FFAR4: variants seen among roughly 807,000 people sequenced by gnomAD.
FFAR4 encodes G-protein coupled receptor 120.
FFAR4 carries 19 observed loss-of-function variants against 27.0 expected under a neutral mutation model. That is an observed-to-expected ratio of 0.70 (90% CI 0.49 to 1.03). FFAR4 has a LOEUF of 1.03. Among genes scored for constraint, FFAR4 ranks in the 50% least tolerant of loss-of-function variants. The pLI, the probability that FFAR4 is intolerant of heterozygous loss-of-function variation, is 0.00. For synonymous variants in FFAR4, 254 were observed against 215.6 expected, an observed-to-expected ratio of 1.18 and a Z score of -1.56; for missense variants, 476 against 479.0, an observed-to-expected ratio of 0.99 and a Z score of 0.06.
chr10:93,566,704 G>A lies in FFAR4; in HGVS notation c.-17G>A. On this transcript the variant is annotated 5_prime_UTR_variant, in exon 1 of 3. Coordinates refer to ENST00000371481, the MANE Select transcript of FFAR4 (RefSeq NM_001195755.2). Reference sequence around the variant, plus strand: ...TGAGCACTCTCTCAGACCGCTGCGGGCCGCCAGGCGCCGGGAATGTCCCCT... The same window carrying A: ...TGAGCACTCTCTCAGACCGCTGCGGACCGCCAGGCGCCGGGAATGTCCCCT... 1.3e-6 allele frequency: 2 copies of A among 1,531,654 alleles called. No individual in the cohort carries two copies. The highest frequency in any genetic ancestry group is 1.8e-6 in the Non-Finnish European group (2 of 1,139,024). 94.9% of individuals were successfully genotyped at this position (1,531,654 alleles called of 1,614,324 possible).
rs2058241760 is a variant in FFAR4 at position 93,588,262 on chromosome 10, T to C, written c.*653T>C. 1 of 152,238 alleles carries C rather than the reference T, an allele frequency of 6.6e-6. No homozygotes were observed. Among genetic ancestry groups the C allele is most frequent in the Non-Finnish European group, 1.5e-5 (1 of 68,092 alleles). 9.4% of individuals were successfully genotyped at this position (152,238 alleles called of 1,614,324 possible). A position where few individuals can be genotyped will look rare whatever the true frequency, so the allele number is the denominator to read the frequency against. ...TTTCTGAAGTGAGTCTTAGAACCGATTCAGGACGCAGATTTCTCCTCTGAA... is the reference window on the plus strand; with the variant it reads ...TTTCTGAAGTGAGTCTTAGAACCGACTCAGGACGCAGATTTCTCCTCTGAA... On this transcript the variant is annotated 3_prime_UTR_variant, in exon 3 of 3. Transcript: ENST00000371481.
At chr10:93,569,559 G>T (rs2058120370) in intron 1 of FFAR4, among the ~76,000 whole-genome samples, 1 of 152,142 alleles carries the variant, frequency 6.6e-6, no homozygotes, top group African/African-American at 2.4e-5. Flanking sequence ...GGAGGTCTGT[G>T]TTGTGATGGC....
chr10:93,581,526 C>T (rs2134552535), intron 2 of FFAR4, among the ~76,000 whole-genome samples: 1 of 152,292 alleles, frequency 6.6e-6, no homozygotes, highest in South Asian at 2.1e-4. Flanking sequence ...CAGCGGTCTG[C>T]TGGCATGGGG....
At chr10:93,584,478 G>C (rs1478842651) in intron 2 of FFAR4, among the ~76,000 whole-genome samples, 1 of 152,194 alleles carries the variant, frequency 6.6e-6, no homozygotes, top group Non-Finnish European at 1.5e-5. Flanking sequence ...TACAAATCTA[G>C]AGTAGGTATG....
At chr10:93,585,599 G>A (rs749478318) in intron 2 of FFAR4, among the ~76,000 whole-genome samples, 1 of 152,366 alleles carries the variant, frequency 6.6e-6, no homozygotes, top group South Asian at 2.1e-4. Context: ...GAGGAGGACA[G>A]AGAAGGAGGA....
chr10:93,578,688 T>C (rs12217516), intron 2 of FFAR4, among the ~76,000 whole-genome samples: 8,715 of 152,142 alleles, frequency 0.057, 584 homozygotes, highest in East Asian at 0.35. Flanking sequence ...CTGTAGCAGG[T>C]GATGAATAAA....
chr10:93,583,199 G>A (rs533612231), intron 2 of FFAR4, among the ~76,000 whole-genome samples: 49 of 146,206 alleles, frequency 3.4e-4, no homozygotes, highest in Non-Finnish European at 6.0e-4. Flanking sequence ...TCAGGAGTTC[G>A]AGACCATCCT....
At chr10:93,574,449 C>T (rs561076306) in intron 1 of FFAR4, among the ~76,000 whole-genome samples, 11 of 152,292 alleles carry the variant, frequency 7.2e-5, no homozygotes, top group Non-Finnish European at 1.6e-4. Context: ...ATTGATGCTT[C>T]AGCATACCTG....
rs1183794156 is a variant in FFAR4 at position 93,587,571 on chromosome 10, T to A, written c.1048T>A (p.Ser350Thr). ...AAAGGGAGCCATTTTAACAGACACA[T>A]CTGTCAAAAGAAATGACTTGTCGAT... Reference protein sequence around the residue: ...PEKGAILTDTSVKRNDLSIIS... With the variant: ...PEKGAILTDTTVKRNDLSIIS... Residue 350 changes from serine to threonine, a missense_variant, in exon 3 of 3, where the codon TCT becomes ACT. By Grantham distance (58) the Ser-to-Thr change is moderately conservative (BLOSUM62 1). Transcript: ENST00000371481. 1.2e-6 allele frequency: 2 copies of A among 1,613,906 alleles called. No individual in the cohort carries two copies. The highest frequency in any genetic ancestry group is 1.7e-5 in the Admixed American group (1 of 59,972).
chr10:93,582,267 A>T (rs896270829), intron 2 of FFAR4, among the ~76,000 whole-genome samples: 1 of 152,080 alleles, frequency 6.6e-6, no homozygotes, highest in African/African-American at 2.4e-5. Context: ...GATCCAGGCC[A>T]GGTGCGGTGG....
intron 1 of FFAR4, 72 bp from the exon 2 acceptor site, chr10:93,576,019 C>T: frequency 6.6e-7 from 1 of 1,511,422 alleles, no homozygotes; most frequent in Non-Finnish European, 9.1e-7. Flanking sequence ...TCAGGAAACC[C>T]TCAATAAGAC....
At chr10:93,578,280 A>G (rs2058176688) in intron 2 of FFAR4, among the ~76,000 whole-genome samples, 1 of 151,818 alleles carries the variant, frequency 6.6e-6, no homozygotes, top group South Asian at 2.1e-4. Context: ...AGCCGGGCGT[A>G]GTGGTGGGCG....
chr10:93,577,118 G>A (rs1247694667), intron 2 of FFAR4, among the ~76,000 whole-genome samples: 1 of 152,230 alleles, frequency 6.6e-6, no homozygotes, highest in Non-Finnish European at 1.5e-5. Context: ...GAGTCAGCCT[G>A]TTTTATATCT....
intron 1 of FFAR4, among the ~76,000 whole-genome samples, chr10:93,571,116 C>T (rs1341418024): frequency 6.6e-6 from 1 of 152,182 alleles, no homozygotes; most frequent in Non-Finnish European, 1.5e-5. Context: ...AAATAACAGA[C>T]TGCCATTTTA....
In FFAR4 at chr10:93,587,906, T is replaced by C; in HGVS notation, c.*297T>C. ...TTCGAGACCAACCTGACCAACATGGTGAGACCCCCGTCTCTACTAAAAATA... is the reference window on the plus strand; with the variant it reads ...TTCGAGACCAACCTGACCAACATGGCGAGACCCCCGTCTCTACTAAAAATA... On this transcript the variant is annotated 3_prime_UTR_variant, in exon 3 of 3. Coordinates refer to ENST00000371481, the MANE Select transcript of FFAR4 (RefSeq NM_001195755.2). 1 of 240,018 alleles carries C rather than the reference T, an allele frequency of 4.2e-6. No homozygotes were observed. The highest frequency in any genetic ancestry group is 8.1e-6 in the Non-Finnish European group (1 of 123,042). 14.9% of individuals were successfully genotyped at this position (240,018 alleles called of 1,614,324 possible).
In FFAR4 at chr10:93,587,983, T is replaced by C; in HGVS notation, c.*374T>C. ...GTGGGCACCTGTAATCCTAGCTACTTGGGAGGCTGAACCAGGAGAATCTCT... is the reference window on the plus strand; with the variant it reads ...GTGGGCACCTGTAATCCTAGCTACTCGGGAGGCTGAACCAGGAGAATCTCT... On this transcript the variant is annotated 3_prime_UTR_variant, in exon 3 of 3. Transcript: ENST00000371481. 6.1e-6 allele frequency: 1 copy of C among 163,974 alleles called. No homozygotes were observed. Among genetic ancestry groups the C allele is most frequent in the Non-Finnish European group, 1.3e-5 (1 of 75,222 alleles). 10.2% of individuals were successfully genotyped at this position (163,974 alleles called of 1,614,324 possible). A position where few individuals can be genotyped will look rare whatever the true frequency, so the allele number is the denominator to read the frequency against.
rs1290978431 is a variant in FFAR4 at position 93,566,875 on chromosome 10, C to T, written c.155C>T (p.Ala52Val). 2 of 1,603,522 alleles carry T rather than the reference C, an allele frequency of 1.2e-6. No homozygotes were observed. The highest frequency in any genetic ancestry group is 1.7e-6 in the Non-Finnish European group (2 of 1,176,438). The change falls in exon 1 of 3, where the codon GCA becomes GTA. Residue 52 changes from alanine (A) to valine (V), a missense_variant. Coordinates refer to ENST00000371481, the MANE Select transcript of FFAR4 (RefSeq NM_001195755.2). The part of the protein sequence containing the change: ...VETTVLVLIF[A>V]VSLLGNVCAL... ...ACAACCGTGCTGGTGCTCATCTTTG[C>T]AGTGTCGCTGCTGGGCAACGTGTGC... is the stretch of plus-strand genomic sequence containing the variant.
rs2058212511 is a variant in FFAR4, at chr10:93,583,761, C to T, written c.697-3459C>T. ...GCTTCCTCATCTGTAAAATGGGGAT[C>T]ATCACAGTACATATGTCACAGAATT... On this transcript the variant is annotated intron_variant, in intron 2 of 2. Coordinates refer to ENST00000371481, the MANE Select transcript of FFAR4 (RefSeq NM_001195755.2). Among the ~76,000 whole-genome samples the T allele has an allele frequency of 2.0e-5, 3 of 152,306 alleles. No individual in the cohort carries two copies. In the South Asian group the frequency reaches 6.2e-4, roughly 32 times the overall value.
At chr10:93,575,994 G>A (rs2058161355) in intron 1 of FFAR4, 97 bp from the exon 2 acceptor site, 1 of 1,234,288 alleles carries the variant, frequency 8.1e-7, no homozygotes, top group East Asian at 2.4e-5. Context: ...ACTGGGCAAT[G>A]CAACCGTGTA....
Sources: gnomAD v4.1 joint callset for allele counts (sites outside exome capture counted in the v4.1 genomes callset) on GRCh38, gnomAD v4.1.1 for gene constraint, MANE v1.5 for transcripts, NCBI Gene and HGNC (gene_info 2026-07-23, HGNC 2026-07-21) for gene names.